RYR1: variants seen among roughly 807,000 people sequenced by gnomAD.
The protein encoded by RYR1 is central core disease of muscle.
RYR1 carries 342 observed loss-of-function variants against 583.5 expected under a neutral mutation model. The observed-to-expected ratio is 0.59, with a 90% CI of 0.54 to 0.64. The LOEUF (loss-of-function observed/expected upper bound fraction) is 0.64, where lower values mean the gene tolerates loss of function less well. Ranked by LOEUF, RYR1 falls within the 30% of genes least tolerant of loss-of-function variation. The pLI, the probability that RYR1 is intolerant of heterozygous loss-of-function variation, is 0.00. For synonymous variants in RYR1, 2,791 were observed against 2,822.5 expected, an observed-to-expected ratio of 0.99 and a Z score of 0.35; for missense variants, 6,032 against 6,917.2, an observed-to-expected ratio of 0.87 and a Z score of 4.54.
intron 26 of RYR1, 64 bp from the exon 27 acceptor site, chr19:38,469,241 C>A: frequency 1.9e-6 from 3 of 1,605,688 alleles, no homozygotes; most frequent in Admixed American, 1.7e-5. Context: ...CCTACCTCCT[C>A]CCCTCGGCTC....
At chr19:38,544,118 C>T (rs1972324728) in intron 87 of RYR1, among the ~76,000 whole-genome samples, 1 of 152,206 alleles carries the variant, frequency 6.6e-6, no homozygotes. Flanking sequence ...ATTGGTCTGA[C>T]GTGTTGGCCC....
chr19:38,535,657 G>C, intron 81 of RYR1: 1 of 597,778 alleles, frequency 1.7e-6, no homozygotes. Flanking sequence ...ACTTGGCAGT[G>C]GGAGATTTAG....
intron 19 of RYR1, 59 bp downstream of exon 19, chr19:38,459,397 C>T: frequency 6.6e-7 from 1 of 1,511,576 alleles, no homozygotes; most frequent in Non-Finnish European, 9.1e-7. Context: ...CCTGAGACAG[C>T]TTCCCCAGTC....
rs970909296 is a variant in RYR1, at chr19:38,519,247, C to G, written c.10052C>G (p.Pro3351Arg). ...FAQPIVSRAR[P>R]ELLQSHFIPT... ...CAGCCCATTGTGAGCCGTGCACGGC[C>G]GGAGCTCCTGCAGTCCCACTTCATC... The change falls in exon 67 of 106, where the codon CCG becomes CGG. Residue 3351 changes from proline (P) to arginine (R), a missense_variant. Physicochemically the swap from Pro to Arg is moderately radical, Grantham distance 103. Around this residue, in one of 11 missense-constraint regions of RYR1, gnomAD observed 1,493 missense variants for 1,715.5 expected, o/e 0.87. Transcript: ENST00000359596. The G allele has an allele frequency of 6.2e-7, 1 of 1,614,092 alleles. No homozygotes were observed. The highest frequency in any genetic ancestry group is 8.5e-7 in the Non-Finnish European group (1 of 1,180,010).
intron 23 of RYR1, 49 bp from the exon 24 acceptor site, chr19:38,466,042 G>A (rs1011428546): frequency 9.0e-6 from 14 of 1,552,376 alleles, no homozygotes; most frequent in East Asian, 7.1e-5. Context: ...TGCAGAGCCC[G>A]GAAGTGGAGG....
chr19:38,532,446 T>C (rs757536632), intron 76 of RYR1, 44 bp from the exon 77 acceptor site: 3 of 1,604,414 alleles, frequency 1.9e-6, no homozygotes, highest in Non-Finnish European at 2.6e-6. Flanking sequence ...AAGATGGGGG[T>C]CCTCTCCACC....
In RYR1 at chr19:38,477,763, G is replaced by A. The variant is rs749006833; in HGVS notation, c.4347G>A (p.Ala1449=). ...FAGQEPSCVW[A]GWVTPDYHQH... is the part of the protein sequence containing the mutation. ...GACAGGAGCCCAGCTGCGTGTGGGC[G>A]GGCTGGGTCACCCCTGACTACCATC... Residue 1449 remains alanine (A), a synonymous_variant, in exon 30 of 106, where the codon GCG becomes GCA. Coordinates refer to ENST00000359596, the MANE Select transcript of RYR1 (RefSeq NM_000540.3). The A allele has an allele frequency of 1.1e-5, 17 of 1,614,004 alleles. No individual in the cohort carries two copies. The Admixed American group carries it at 1.5e-4, about 14-fold the overall frequency.
intron 91 of RYR1, among the ~76,000 whole-genome samples, chr19:38,566,083 A>G (rs1973411720): frequency 6.6e-6 from 1 of 151,632 alleles, no homozygotes; most frequent in Non-Finnish European, 1.5e-5. Context: ...CAGGGCCCGG[A>G]GAGGTAGAGA....
intron 81 of RYR1, chr19:38,535,704 G>A: frequency 1.7e-6 from 1 of 590,824 alleles, no homozygotes; most frequent in Non-Finnish European, 3.0e-6. Flanking sequence ...TGCCTCTACT[G>A]TTGTCTGCCT....
chr19:38,460,698 C>T, intron 20 of RYR1, 107 bp downstream of exon 20: 2 of 1,123,984 alleles, frequency 1.8e-6, no homozygotes, highest in Non-Finnish European at 2.6e-6. Context: ...CTTTGGATGG[C>T]CAGGCGTGGT....
At position 38,499,715 on chromosome 19, in the gene RYR1, G is replaced by A. The variant is rs902759121; in HGVS notation, c.7108G>A (p.Gly2370Ser). 2.5e-6 allele frequency: 4 copies of A among 1,601,598 alleles called. No homozygotes were observed. In the African/African-American group the frequency reaches 5.3e-5, roughly 21 times the overall value. ...KPECFGPALR[G>S]EGGSGLLAAI... Reference sequence around the variant, plus strand: ...TGAGTGCTTCGGACCCGCCCTGCGGGGTGAGGGTGGCTCAGGGCTGCTGGC... The same window carrying A: ...TGAGTGCTTCGGACCCGCCCTGCGGAGTGAGGGTGGCTCAGGGCTGCTGGC... The change falls in exon 44 of 106, where the codon GGT (glycine) becomes AGT (serine). Residue 2370 changes from glycine (G) to serine (S), a missense_variant. Around this residue, in one of 11 missense-constraint regions of RYR1, gnomAD observed 2,627 missense variants for 2,961.3 expected, o/e 0.89. Transcript: ENST00000359596. The surrounding 1 kb of genome is among the most constrained non-coding windows in gnomAD (Gnocchi z 7.3).
chr19:38,566,164 CTA>C (rs1406301724), intron 91 of RYR1, among the ~76,000 whole-genome samples: 1 of 151,824 alleles, frequency 6.6e-6, no homozygotes, highest in African/African-American at 2.4e-5. Context: ...AAGACCAAAA[CTA>C]AGCCAGGCGC....
In RYR1 at chr19:38,499,517, T is replaced by A. The variant is rs564126855; in HGVS notation, c.7028-118T>A. The A allele has an allele frequency of 3.7e-5, 45 of 1,229,470 alleles. No individual in the cohort carries two copies. In the African/African-American group the frequency reaches 5.7e-4, roughly 16 times the overall value. 76.2% of individuals were successfully genotyped at this position (1,229,470 alleles called of 1,614,324 possible). On this transcript the variant is annotated intron_variant, in intron 43 of 105. Coordinates refer to ENST00000359596, the MANE Select transcript of RYR1 (RefSeq NM_000540.3). This position sits in a 1 kb window ranked among gnomAD's most constrained non-coding sequence, Gnocchi z 7.3. Reference sequence around the variant, plus strand: ...GGGCCTGGTGTTACCTCTGGAGGTGTTGGGTCCTGGAGCTGGATGGGACCT... The same window carrying A: ...GGGCCTGGTGTTACCTCTGGAGGTGATGGGTCCTGGAGCTGGATGGGACCT...
At chr19:38,554,724 C>T (rs1487948000) in intron 89 of RYR1, among the ~76,000 whole-genome samples, 1 of 152,206 alleles carries the variant, frequency 6.6e-6, no homozygotes, top group East Asian at 1.9e-4. Context: ...CCTCCTGCCT[C>T]AGCCTCCCAA....
chr19:38,527,496 C>T (rs1971515994), intron 72 of RYR1, 151 bp from the exon 73 acceptor site: 3 of 1,012,764 alleles, frequency 3.0e-6, no homozygotes, highest in African/African-American at 3.2e-5. Flanking sequence ...GGTGATGGGG[C>T]GAGGCTCCGT....
At chr19:38,575,279 C>T (rs895957351) in intron 96 of RYR1, among the ~76,000 whole-genome samples, 29 of 152,204 alleles carry the variant, frequency 1.9e-4, no homozygotes, top group African/African-American at 6.5e-4. Context: ...CTTTTTTGCA[C>T]ATCTGGCTCT....
chr19:38,490,222 C>T lies in RYR1; in HGVS notation c.5961C>T (p.Thr1987=), dbSNP rs775804652. 20 of 1,614,076 alleles carry T rather than the reference C, an allele frequency of 1.2e-5. No homozygotes were observed. The highest frequency in any genetic ancestry group is 5.3e-5 in the African/African-American group (4 of 74,938). The change falls in exon 36 of 106, where the codon ACC becomes ACT. Residue 1987 remains threonine (T), a synonymous_variant. Transcript: ENST00000359596. ...TCCTCATAAAAGCCTTCAGCATGAC[C>T]GCAGCAGAGACTGCAAGACGTACCC... ...YGLLIKAFSM[T]AAETARRTRE... is the part of the protein sequence containing the mutation.
At chr19:38,505,157 C>T in intron 52 of RYR1, 76 bp downstream of exon 52, 1 of 1,367,440 alleles carries the variant, frequency 7.3e-7, no homozygotes, top group Non-Finnish European at 1.0e-6. Context: ...TTCCCTGAGG[C>T]CCCAGATCTC....
chr19:38,515,208 A>C, intron 64 of RYR1, 101 bp downstream of exon 64: 2 of 944,574 alleles, frequency 2.1e-6, no homozygotes, highest in Non-Finnish European at 1.7e-6. Context: ...GTAGATGTTA[A>C]GAATTTTCCC....
Sources: gnomAD v4.1 joint callset for allele counts (sites outside exome capture counted in the v4.1 genomes callset) on GRCh38, gnomAD v4.1.1 for gene constraint, gnomAD v4.1.1 regional missense constraint, Gnocchi (gnomAD v3.1) non-coding constraint, MANE v1.5 for transcripts, NCBI Gene and HGNC (gene_info 2026-07-23, HGNC 2026-07-21) for gene names.